CPNE4: variants seen among roughly 807,000 people sequenced by gnomAD.
CPNE4 encodes copine 4.
Under a neutral mutation model 67.9 loss-of-function variants are expected in CPNE4, and 25 were observed. That is an observed-to-expected ratio of 0.37 (90% CI 0.27 to 0.51). CPNE4 has a LOEUF of 0.51. Ranked by LOEUF, CPNE4 falls within the 20% of genes least tolerant of loss-of-function variation. The pLI is 0.93. For missense variants in CPNE4, 464 were observed against 690.8 expected, an observed-to-expected ratio of 0.67 and a Z score of 3.68; for synonymous variants, 242 against 244.9, an observed-to-expected ratio of 0.99 and a Z score of 0.11.
chr3:131,968,021 C>T (rs550832597), intron 1 of CPNE4, among the ~76,000 whole-genome samples: 12 of 152,110 alleles, frequency 7.9e-5, no homozygotes, highest in South Asian at 2.1e-4. Flanking sequence ...TATAGACCAA[C>T]GGAACAGAAC....
At chr3:132,037,274 T>C (rs899475340), upstream of CPNE4, among the ~76,000 whole-genome samples, 4 of 99,614 alleles carry the variant, frequency 4.0e-5, no homozygotes, top group Non-Finnish European at 8.1e-5. Context: ...AACAGTTGCC[T>C]GCATGCCAGT....
intron 1 of CPNE4, among the ~76,000 whole-genome samples, chr3:131,922,951 A>T (rs2070780501): frequency 6.6e-6 from 1 of 152,222 alleles, no homozygotes; most frequent in Non-Finnish European, 1.5e-5. Context: ...AAAGATAAAT[A>T]ATTATTATAG....
intron 7 of CPNE4, among the ~76,000 whole-genome samples, chr3:131,660,936 T>A (rs1248186704): frequency 6.6e-6 from 1 of 152,180 alleles, no homozygotes; most frequent in Non-Finnish European, 1.5e-5. Context: ...CTCTTCATAT[T>A]TTTTCCCCTT....
At chr3:131,702,382 G>A (rs990259821) in intron 3 of CPNE4, among the ~76,000 whole-genome samples, 1 of 152,164 alleles carries the variant, frequency 6.6e-6, no homozygotes, top group Admixed American at 6.5e-5. Context: ...CTAACCTCAC[G>A]GAGCTTACAG....
chr3:131,652,432 A>G (rs959914394), intron 7 of CPNE4, among the ~76,000 whole-genome samples: 9 of 152,196 alleles, frequency 5.9e-5, no homozygotes, highest in Non-Finnish European at 1.2e-4. Context: ...ACTTGCCCAT[A>G]CCGGGAAACC....
intron 1 of CPNE4, among the ~76,000 whole-genome samples, chr3:132,028,859 A>T (rs917098951): frequency 6.6e-6 from 1 of 152,028 alleles, no homozygotes; most frequent in Admixed American, 6.6e-5. Context: ...ATATCTCAAT[A>T]ATCTCTATAT....
chr3:131,808,417 TATAA>T (rs1266956245), intron 2 of CPNE4, among the ~76,000 whole-genome samples: 1 of 152,066 alleles, frequency 6.6e-6, no homozygotes, highest in Non-Finnish European at 1.5e-5. Flanking sequence ...ATGGAAATCT[TATAA>T]ATAAAAACCA....
intron 3 of CPNE4, among the ~76,000 whole-genome samples, chr3:131,712,865 A>G (rs2081592715): frequency 6.6e-6 from 1 of 152,238 alleles, no homozygotes; most frequent in Admixed American, 6.5e-5. Flanking sequence ...CCATGGAGAT[A>G]GCGATCTAAA....
At chr3:131,944,172 C>T (rs1182292557) in intron 1 of CPNE4, among the ~76,000 whole-genome samples, 1 of 152,082 alleles carries the variant, frequency 6.6e-6, no homozygotes, top group Non-Finnish European at 1.5e-5. Flanking sequence ...TAACTGGGTG[C>T]CAGATGATCA....
intron 9 of CPNE4, among the ~76,000 whole-genome samples, chr3:131,579,224 T>C (rs563677715): frequency 1.3e-3 from 204 of 152,314 alleles, no homozygotes; most frequent in South Asian, 2.5e-3. Flanking sequence ...GCTCTACAAA[T>C]GGAAGAGCAA....
At chr3:131,988,778 T>C (rs1018012954) in intron 1 of CPNE4, among the ~76,000 whole-genome samples, 1 of 152,194 alleles carries the variant, frequency 6.6e-6, no homozygotes, top group African/African-American at 2.4e-5. Context: ...GATTTATAAA[T>C]AAATCCACAA....
chr3:131,756,047 C>T (rs938007674), intron 2 of CPNE4, among the ~76,000 whole-genome samples: 1 of 151,902 alleles, frequency 6.6e-6, no homozygotes, highest in Non-Finnish European at 1.5e-5. Context: ...GCACATCATG[C>T]CAAGTGTTAA....
At chr3:131,933,179 C>T (rs1206269882) in intron 1 of CPNE4, among the ~76,000 whole-genome samples, 4 of 152,138 alleles carry the variant, frequency 2.6e-5, no homozygotes, top group East Asian at 1.9e-4. Flanking sequence ...CACGTGAGTT[C>T]ATCATGAATC....
intron 2 of CPNE4, among the ~76,000 whole-genome samples, chr3:131,755,098 G>C (rs991345583): frequency 2.0e-5 from 3 of 151,656 alleles, no homozygotes; most frequent in Non-Finnish European, 4.4e-5. Flanking sequence ...TTATTAAAGA[G>C]TAAAATTTAA....
At chr3:131,841,315 A>G (rs1249567352) in intron 2 of CPNE4, among the ~76,000 whole-genome samples, 1 of 152,230 alleles carries the variant, frequency 6.6e-6, no homozygotes, top group Non-Finnish European at 1.5e-5. Flanking sequence ...AACACAGGGT[A>G]TTTAGAAAAG....
intron 8 of CPNE4, 136 bp from the exon 9 acceptor site, chr3:131,581,801 T>A (rs1238723896): frequency 9.9e-5 from 65 of 657,512 alleles, no homozygotes; most frequent in Admixed American, 2.4e-5. Flanking sequence ...AACTCTTGCA[T>A]CTAGAGGAGC....
chr3:131,836,111 G>A (rs1357392403), intron 2 of CPNE4, among the ~76,000 whole-genome samples: 1 of 152,126 alleles, frequency 6.6e-6, no homozygotes, highest in Admixed American at 6.6e-5. Flanking sequence ...GTTGGCCTCT[G>A]GGTAGCAGTG....
intron 1 of CPNE4, among the ~76,000 whole-genome samples, chr3:132,016,539 G>A (rs948335401): frequency 2.6e-5 from 4 of 152,146 alleles, no homozygotes; most frequent in Admixed American, 1.3e-4. Flanking sequence ...CAGTGTCCAG[G>A]AGTGAAGAAG....
upstream of CPNE4, among the ~76,000 whole-genome samples, chr3:132,036,705 G>C (rs542768166): frequency 6.6e-6 from 1 of 152,188 alleles, no homozygotes; most frequent in African/African-American, 2.4e-5. Context: ...TGAAGGCAAG[G>C]GATATGTCTG....
Sources: allele counts gnomAD v4.1 joint callset (sites outside exome capture counted in the v4.1 genomes callset), GRCh38; gene constraint gnomAD v4.1.1; transcripts MANE v1.5; gene names NCBI Gene and HGNC (gene_info 2026-07-23, HGNC 2026-07-21).